Variants in LCP1 observed in about 807,000 individuals in gnomAD.
LCP1 encodes plastin-2.
Under a neutral mutation model 72.0 loss-of-function variants are expected in LCP1, and 23 were observed. The ratio of observed to expected loss-of-function variants is 0.32; its 90% CI spans 0.23 to 0.45. The LOEUF (loss-of-function observed/expected upper bound fraction) is 0.45, where lower values mean the gene tolerates loss of function less well. LCP1 is among the 20% of genes least tolerant of loss of function. The probability of loss-of-function intolerance (pLI) is 1.00; values close to 1 mark genes in which losing one functional copy is unlikely to be tolerated. For missense variants in LCP1, 571 were observed against 748.3 expected, an observed-to-expected ratio of 0.76 and a Z score of 2.76; for synonymous variants, 245 against 275.4, an observed-to-expected ratio of 0.89 and a Z score of 1.09.
chr13:46,132,488 A>C (rs1399201076), intron 14 of LCP1, among the ~76,000 whole-genome samples: 1 of 152,220 alleles, frequency 6.6e-6, no homozygotes, highest in Non-Finnish European at 1.5e-5. Flanking sequence ...CCTCACCTAT[A>C]AAATGAGGAA....
intron 1 of LCP1, among the ~76,000 whole-genome samples, chr13:46,175,398 C>A (rs756686259): frequency 1.3e-5 from 2 of 152,212 alleles, no homozygotes; most frequent in Admixed American, 6.5e-5. Flanking sequence ...TGCTCAGCCT[C>A]CACATTTACC....
At chr13:46,171,619 T>C (rs1447503317) in intron 1 of LCP1, among the ~76,000 whole-genome samples, 1 of 152,188 alleles carries the variant, frequency 6.6e-6, no homozygotes, top group Admixed American at 6.5e-5. Flanking sequence ...ACATACCTTG[T>C]CCTAAGTACT....
intron 6 of LCP1, 141 bp downstream of exon 6, chr13:46,154,664 C>T: frequency 3.1e-6 from 2 of 650,114 alleles, no homozygotes; most frequent in South Asian, 3.9e-5. Context: ...ATCCCTTTAT[C>T]CCTGAAGTAT....
At position 46,148,436 on chromosome 13, in the gene LCP1, A is replaced by T. The variant is rs2045743818; in HGVS notation, c.894T>A (p.Ala298=). The T allele has an allele frequency of 6.2e-7, 1 of 1,607,954 alleles. No individual in the cohort carries two copies. The highest frequency in any genetic ancestry group is 8.5e-7 in the Non-Finnish European group (1 of 1,176,768). ...CCACCTGCTCAAGCAGGTGGTAATA[A>T]GCTTTTGAGTCCTGTGAGAAATTAA... ...NFSTDIKDSK[A]YYHLLEQVAP... is the part of the protein sequence containing the mutation. The change falls in exon 9 of 16, where the codon GCT becomes GCA. Residue 298 remains alanine (A), a synonymous_variant. Coordinates refer to ENST00000323076, the MANE Select transcript of LCP1 (RefSeq NM_002298.5).
At chr13:46,136,074 T>TACAC (rs58984200) in intron 13 of LCP1, among the ~76,000 whole-genome samples, 6,598 of 143,940 alleles carry the variant, frequency 0.046, 150 homozygotes, top group East Asian at 0.12. Context: ...CATCGTGTGC[T>TACAC]ACACACACAC....
chr13:46,179,958 A>G (rs2045948629), intron 1 of LCP1, among the ~76,000 whole-genome samples: 1 of 151,988 alleles, frequency 6.6e-6, no homozygotes, highest in Non-Finnish European at 1.5e-5. Flanking sequence ...TAAATTTATT[A>G]CAAAGTTTTT....
At chr13:46,162,818 C>G (rs1300077089) in intron 1 of LCP1, among the ~76,000 whole-genome samples, 2 of 151,194 alleles carry the variant, frequency 1.3e-5, no homozygotes, top group African/African-American at 4.9e-5. Context: ...ATGTGAGGAG[C>G]GCCTCTGCCC....
At chr13:46,131,221 G>A (rs2045632337) in intron 14 of LCP1, among the ~76,000 whole-genome samples, 1 of 152,098 alleles carries the variant, frequency 6.6e-6, no homozygotes, top group Non-Finnish European at 1.5e-5. Flanking sequence ...TTAAAATAGT[G>A]GATTGTGTCA....
rs117874652 is a variant in LCP1, at chr13:46,170,161, T to G, written c.-24-10475A>C. Among the ~76,000 whole-genome samples, 734 of 152,284 alleles carry G rather than the reference T, an allele frequency of 4.8e-3. 2 individuals are homozygous for G. Among genetic ancestry groups the G allele is most frequent in the Middle Eastern group, 0.031 (9 of 294 alleles). ...TCTTTGAGGAATTTAACAATAATAT[T>G]CTTGTGTACATACTTAGACAATCCC... On this transcript the variant is annotated intron_variant, in intron 1 of 15. Transcript: ENST00000323076.
intron 1 of LCP1, among the ~76,000 whole-genome samples, chr13:46,162,781 C>A (rs559530143): frequency 9.2e-5 from 14 of 151,870 alleles, no homozygotes; most frequent in African/African-American, 3.4e-4. Context: ...ATGTGGGGAG[C>A]GCCTCTGCCC....
At chr13:46,176,922 AGG>A in intron 1 of LCP1, among the ~76,000 whole-genome samples, 1 of 151,930 alleles carries the variant, frequency 6.6e-6, no homozygotes, top group South Asian at 2.1e-4. Flanking sequence ...AGAGAGAGAG[AGG>A]GAGGGAGACC....
At chr13:46,178,957 T>C (rs2045944307) in intron 1 of LCP1, among the ~76,000 whole-genome samples, 1 of 152,204 alleles carries the variant, frequency 6.6e-6, no homozygotes, top group South Asian at 2.1e-4. Flanking sequence ...GCCTGTACTC[T>C]TTAGGTAACA....
At chr13:46,176,692 G>GA (rs1192516744) in intron 1 of LCP1, among the ~76,000 whole-genome samples, 1 of 152,160 alleles carries the variant, frequency 6.6e-6, no homozygotes, top group Non-Finnish European at 1.5e-5. Flanking sequence ...AGTGCAACCA[G>GA]AAAAAGAAGG....
intron 13 of LCP1, among the ~76,000 whole-genome samples, chr13:46,134,605 A>G (rs1272536450): frequency 6.6e-6 from 1 of 152,218 alleles, no homozygotes; most frequent in African/African-American, 2.4e-5. Context: ...GCAATAACTC[A>G]ATGTTGGAAA....
chr13:46,133,897 A>G (rs1555314022), intron 14 of LCP1, among the ~76,000 whole-genome samples: 2 of 151,804 alleles, frequency 1.3e-5, no homozygotes, highest in Non-Finnish European at 2.9e-5. Context: ...AAAAGTTGAA[A>G]TTTTTTTTAC....
At chr13:46,156,602 C>T in intron 4 of LCP1, 32 bp from the exon 5 acceptor site, 1 of 1,613,306 alleles carries the variant, frequency 6.2e-7, no homozygotes, top group Non-Finnish European at 8.5e-7. Context: ...GACTCATTTG[C>T]AAAGTGAAAC....
rs747610301 is a variant in LCP1, at chr13:46,134,253, G to A, written c.1503-3C>T. 6.2e-7 allele frequency: 1 copy of A among 1,600,066 alleles called. No homozygotes were observed. The highest frequency in any genetic ancestry group is 2.2e-5 in the East Asian group (1 of 44,504). ...CTTCGAGGATATTCAGTGTATACCT[G>A]AACAAAATAAAGAATGCTTTCTGGA... is the stretch of plus-strand genomic sequence containing the variant. On this transcript the variant is annotated splice_region_variant and splice_polypyrimidine_tract_variant and intron_variant, in intron 13 of 15. Coordinates refer to ENST00000323076, the MANE Select transcript of LCP1 (RefSeq NM_002298.5).
intron 1 of LCP1, among the ~76,000 whole-genome samples, chr13:46,173,906 CA>C (rs1172607390): frequency 3.3e-5 from 5 of 152,172 alleles, no homozygotes; most frequent in Non-Finnish European, 7.3e-5. Flanking sequence ...AGCCCAACCA[CA>C]TACACTATGA....
chr13:46,139,990 C>T (rs1464938224), intron 13 of LCP1, among the ~76,000 whole-genome samples: 3 of 152,048 alleles, frequency 2.0e-5, no homozygotes, highest in African/African-American at 7.3e-5. Context: ...AGGACAGTGG[C>T]CCCTGAAAAG....
Sources: allele counts gnomAD v4.1 joint callset (sites outside exome capture counted in the v4.1 genomes callset), GRCh38; gene constraint gnomAD v4.1.1; transcripts MANE v1.5; gene names NCBI Gene and HGNC (gene_info 2026-07-23, HGNC 2026-07-21).